The following DNAH5 variants were observed in gnomAD, a reference collection of about 807,000 sequenced individuals.
The protein encoded by DNAH5 is dynein axonemal heavy chain 5.
In DNAH5, 372 loss-of-function variants were observed where a neutral mutation model predicts 518.2. The ratio of observed to expected loss-of-function variants is 0.72; its 90% CI spans 0.66 to 0.78. DNAH5 has a LOEUF of 0.78. Among genes scored for constraint, DNAH5 ranks in the 30% least tolerant of loss-of-function variants. The pLI is 0.00. For synonymous variants in DNAH5, 2,039 were observed against 2,025.9 expected (o/e 1.01, Z -0.17); for missense variants, 5,523 against 5,687.0 (o/e 0.97, Z 0.93).
chr5:13,930,741 C>A (rs140667273), intron 2 of DNAH5, among the ~76,000 whole-genome samples: 1 of 152,302 alleles, frequency 6.6e-6, no homozygotes, highest in East Asian at 1.9e-4. Flanking sequence ...AATCATGGCA[C>A]AAATCCAGTG....
intron 71 of DNAH5, 101 bp from the exon 72 acceptor site, chr5:13,719,202 A>G (rs1363765644): frequency 2.1e-6 from 2 of 933,386 alleles, no homozygotes; most frequent in Non-Finnish European, 3.4e-6. Context: ...TTAATAGGAA[A>G]ACACTAACCA....
At chr5:13,927,986 G>A (rs537942898) in intron 3 of DNAH5, 108 bp downstream of exon 3, 97 of 909,888 alleles carry the variant, frequency 1.1e-4, no homozygotes, top group Admixed American at 6.4e-4. Flanking sequence ...TCTCCCTCCC[G>A]CCCGCAAGGT....
chr5:13,842,973 A>C (rs1203856411), intron 32 of DNAH5, among the ~76,000 whole-genome samples: 4 of 152,230 alleles, frequency 2.6e-5, no homozygotes, highest in African/African-American at 9.6e-5. Flanking sequence ...ATTATCTTCC[A>C]TACAACTTGA....
Position 13,769,607 on chromosome 5 carries a change from G to A in DNAH5, c.9614C>T (p.Thr3205Ile). The A allele has an allele frequency of 6.2e-7, 1 of 1,613,510 alleles. No individual in the cohort carries two copies. Among genetic ancestry groups the A allele is most frequent in the Non-Finnish European group, 8.5e-7 (1 of 1,179,520 alleles). Reference sequence around the variant, plus strand: ...AGCTTCTTTGAGCTTTTCCAATCCAGTATTCATTCTGGGATTGAAAATCCA... The same window carrying A: ...AGCTTCTTTGAGCTTTTCCAATCCAATATTCATTCTGGGATTGAAAATCCA... ...EVRTLANRMNTGLEKLKEASE... is the reference protein window; with the variant it reads ...EVRTLANRMNIGLEKLKEASE... Residue 3205 changes from threonine (T) to isoleucine (I), a missense_variant, in exon 57 of 79, where the codon ACT (threonine) becomes ATT (isoleucine). Thr to Ile is a moderately conservative substitution (Grantham distance 89). Around this residue, in one of 3 missense-constraint regions of DNAH5, gnomAD observed 5,121 missense variants for 5,223.3 expected, o/e 0.98. Coordinates refer to ENST00000265104, the MANE Select transcript of DNAH5 (RefSeq NM_001369.3).
intron 3 of DNAH5, among the ~76,000 whole-genome samples, chr5:13,925,053 C>G (rs1008266207): frequency 6.6e-6 from 1 of 152,104 alleles, no homozygotes; most frequent in African/African-American, 2.4e-5. Context: ...TGGAGTAATC[C>G]TCCCTCAGGG....
chr5:13,851,937 G>A (rs1303255554), intron 30 of DNAH5, among the ~76,000 whole-genome samples: 2 of 151,910 alleles, frequency 1.3e-5, no homozygotes, highest in Non-Finnish European at 2.9e-5. Context: ...AGTAGAAGCG[G>A]GGTGGGGCGT....
rs1177310705 is a variant in DNAH5, at chr5:13,714,523, A to T, written c.13007T>A (p.Ile4336Asn). ...GGTGTCCTTGGGTTGGATGCCTAGGATGGTGTCCAGCACGTCCTTGGCCAG... is the reference window on the plus strand; with the variant it reads ...GGTGTCCTTGGGTTGGATGCCTAGGTTGGTGTCCAGCACGTCCTTGGCCAG... ...SKLAKDVLDT[I>N]LGIQPKDTSG... The change falls in exon 75 of 79, where the codon ATC (isoleucine) becomes AAC (asparagine). Residue 4336 changes from isoleucine (I) to asparagine (N), a missense_variant. Coordinates refer to ENST00000265104, the MANE Select transcript of DNAH5 (RefSeq NM_001369.3). 1 of 1,614,142 alleles carries T rather than the reference A, an allele frequency of 6.2e-7. No individual in the cohort carries two copies.
At chr5:13,738,952 C>T (rs1747995612) in intron 65 of DNAH5, among the ~76,000 whole-genome samples, 1 of 152,092 alleles carries the variant, frequency 6.6e-6, no homozygotes, top group Admixed American at 6.6e-5. Context: ...TGTTTAACTG[C>T]GTTTATAATG....
rs946355581 is a variant in DNAH5, at chr5:13,780,813, A to T, written c.8951+16T>A. ...TCAAAATCCATGTTAGGTTTGTTAA[A>T]GTAAAAGGTTGTCACCTCGTCAGAG... On this transcript the variant is annotated intron_variant, in intron 53 of 78. Transcript: ENST00000265104. The T allele has an allele frequency of 6.2e-7, 1 of 1,613,086 alleles. No individual in the cohort carries two copies. The highest frequency in any genetic ancestry group is 1.3e-5 in the African/African-American group (1 of 74,902).
At chr5:13,844,603 G>A (rs1765709272) in intron 32 of DNAH5, among the ~76,000 whole-genome samples, 1 of 146,234 alleles carries the variant, frequency 6.8e-6, no homozygotes, top group Non-Finnish European at 1.5e-5. Flanking sequence ...CTACATAAAT[G>A]CCTTCTTAAT....
rs561211219 is a variant in DNAH5, at chr5:13,719,775, A to G, written c.12280-674T>C. Among the ~76,000 whole-genome samples the G allele has an allele frequency of 4.7e-4, 72 of 152,252 alleles. 2 individuals carry two copies. The highest frequency in any genetic ancestry group is 6.8e-3 in the Middle Eastern group (2 of 294). On this transcript the variant is annotated intron_variant, in intron 71 of 78. Transcript: ENST00000265104. ...GACCTGCTACTTCCTGCCTCCCACT[A>G]GTTCTCAGAATCCTGGCAACTGAGC... is the stretch of plus-strand genomic sequence containing the variant.
intron 21 of DNAH5, among the ~76,000 whole-genome samples, chr5:13,878,734 G>T (rs1445803): frequency 0.19 from 28,235 of 152,170 alleles, 2,735 homozygotes; most frequent in Middle Eastern, 0.29. Flanking sequence ...AAACAACGAG[G>T]TGGATGTACA....
intron 38 of DNAH5, among the ~76,000 whole-genome samples, chr5:13,828,444 C>T (rs1445816): frequency 0.4 from 60,403 of 152,030 alleles, 12,212 homozygotes; most frequent in East Asian, 0.61. Context: ...ATGATGCCCA[C>T]CTCCTGGTGG....
At chr5:14,004,882 T>A (rs1289113830) in intron 1 of DNAH5, among the ~76,000 whole-genome samples, 1 of 152,180 alleles carries the variant, frequency 6.6e-6, no homozygotes, top group Non-Finnish European at 1.5e-5. Context: ...TTTATTATTT[T>A]CTTCCTTAGA....
intron 59 of DNAH5, 116 bp downstream of exon 59, chr5:13,765,860 T>C (rs930606257): frequency 2.7e-6 from 3 of 1,092,650 alleles, no homozygotes; most frequent in Admixed American, 3.4e-5. Context: ...AGTTTTACTC[T>C]GAAAAAATCA....
intron 1 of DNAH5, among the ~76,000 whole-genome samples, chr5:13,935,805 C>T (rs1376889130): frequency 6.6e-6 from 1 of 152,106 alleles, no homozygotes; most frequent in Non-Finnish European, 1.5e-5. Flanking sequence ...GTTGGCTTGT[C>T]CTGCTGGCCT....
chr5:13,713,493 G>A (rs752230812), intron 75 of DNAH5, among the ~76,000 whole-genome samples: 4 of 115,846 alleles, frequency 3.5e-5, no homozygotes, highest in Non-Finnish European at 5.2e-5. Context: ...ATATATATAT[G>A]ATGGAATACT....
intron 50 of DNAH5, among the ~76,000 whole-genome samples, chr5:13,790,652 C>T (rs919914991): frequency 6.6e-6 from 1 of 152,196 alleles, no homozygotes; most frequent in Admixed American, 6.5e-5. Flanking sequence ...TTGCTCCACA[C>T]TTCTCCTTCT....
At chr5:13,816,915 A>T (rs1761524475) in intron 42 of DNAH5, among the ~76,000 whole-genome samples, 1 of 152,176 alleles carries the variant, frequency 6.6e-6, no homozygotes, top group Non-Finnish European at 1.5e-5. Context: ...GGAGTGAGGA[A>T]ATCAAATGAG....
Sources: allele counts gnomAD v4.1 joint callset (sites outside exome capture counted in the v4.1 genomes callset), GRCh38; gene constraint gnomAD v4.1.1; regional missense constraint gnomAD v4.1.1; transcripts MANE v1.5; gene names NCBI Gene and HGNC (gene_info 2026-07-23, HGNC 2026-07-21).